The following NCKAP5 variants were observed in gnomAD, a reference collection of about 807,000 sequenced individuals.
NCKAP5 encodes NCK associated protein 5.
Under a neutral mutation model 167.0 loss-of-function variants are expected in NCKAP5, and 92 were observed. The ratio of observed to expected loss-of-function variants is 0.55; its 90% CI spans 0.47 to 0.66. The LOEUF (loss-of-function observed/expected upper bound fraction) is 0.66, where lower values mean the gene tolerates loss of function less well. Ranked by LOEUF, NCKAP5 falls within the 30% of genes least tolerant of loss-of-function variation. The pLI, the probability that NCKAP5 is intolerant of heterozygous loss-of-function variation, is 0.00. For missense variants in NCKAP5, 2,378 were observed against 2,315.0 expected, an observed-to-expected ratio of 1.03 and a Z score of -0.56; for synonymous variants, 891 against 877.4, an observed-to-expected ratio of 1.02 and a Z score of -0.27.
At chr2:132,833,022 T>C (rs1687628901) in intron 11 of NCKAP5, among the ~76,000 whole-genome samples, 1 of 152,182 alleles carries the variant, frequency 6.6e-6, no homozygotes, top group African/African-American at 2.4e-5. Flanking sequence ...CCTTTTTCTC[T>C]GCATCCTTCA....
At position 132,912,557 on chromosome 2, in the gene NCKAP5, A is replaced by G. The variant is rs560985749; in HGVS notation, c.580-33641T>C. 3.9e-5 allele frequency among the ~76,000 whole-genome samples: 6 copies of G among 152,228 alleles called. No individual in the cohort carries two copies. In the South Asian group the frequency reaches 1.0e-3, roughly 26 times the overall value. On this transcript the variant is annotated intron_variant, in intron 8 of 19. Coordinates refer to ENST00000409261, the MANE Select transcript of NCKAP5 (RefSeq NM_207363.3). Reference sequence around the variant, plus strand: ...ATATCTACAAACTGCCCTGCTTCCTATGGTTCCTTTGATGCTGATTTGCTT... The same window carrying G: ...ATATCTACAAACTGCCCTGCTTCCTGTGGTTCCTTTGATGCTGATTTGCTT...
At chr2:133,552,428 A>C (rs1032866675) in intron 2 of NCKAP5, among the ~76,000 whole-genome samples, 1 of 146,280 alleles carries the variant, frequency 6.8e-6, no homozygotes, top group Non-Finnish European at 1.5e-5. Flanking sequence ...AAAAATGATG[A>C]GTTCGTGTCC....
intron 12 of NCKAP5, among the ~76,000 whole-genome samples, chr2:132,792,530 C>T (rs1558785191): frequency 6.6e-6 from 1 of 152,168 alleles, no homozygotes; most frequent in African/African-American, 2.4e-5. Context: ...TCTGTTTTCT[C>T]CTGTCTGTCC....
At chr2:132,735,176 GA>G (rs1691394017) in intron 16 of NCKAP5, among the ~76,000 whole-genome samples, 1 of 152,072 alleles carries the variant, frequency 6.6e-6, no homozygotes, top group East Asian at 1.9e-4. Context: ...TTCTCGCCAG[GA>G]TTTTTTTTAG....
intron 16 of NCKAP5, among the ~76,000 whole-genome samples, chr2:132,768,197 G>C (rs1681687884): frequency 6.6e-6 from 1 of 152,162 alleles, no homozygotes; most frequent in Non-Finnish European, 1.5e-5. Flanking sequence ...ATCCTAATAG[G>C]ATTCAATTTT....
intron 2 of NCKAP5, among the ~76,000 whole-genome samples, chr2:133,548,581 C>G (rs1686970720): frequency 6.6e-6 from 1 of 151,932 alleles, no homozygotes; most frequent in Non-Finnish European, 1.5e-5. Flanking sequence ...ATTCAACATT[C>G]TTAAAGACAA....
chr2:133,260,045 A>T (rs2088826331), intron 4 of NCKAP5, among the ~76,000 whole-genome samples: 1 of 152,242 alleles, frequency 6.6e-6, no homozygotes, highest in Admixed American at 6.5e-5. Context: ...ATATTAATGC[A>T]ATGAGGATGA....
chr2:133,198,202 C>A (rs2085522787), intron 5 of NCKAP5, among the ~76,000 whole-genome samples: 1 of 152,024 alleles, frequency 6.6e-6, no homozygotes, highest in South Asian at 2.1e-4. Context: ...TTTATATCAA[C>A]AGCCTCAGAA....
intron 16 of NCKAP5, among the ~76,000 whole-genome samples, chr2:132,735,375 A>T (rs1691411987): frequency 6.6e-6 from 1 of 152,122 alleles, no homozygotes; most frequent in Admixed American, 6.6e-5. Context: ...GTTGTTTAAA[A>T]GTGTGTGGCA....
At chr2:133,588,911 G>A in the NCKAP5 span, among the ~76,000 whole-genome samples, 3 of 152,174 alleles carry the variant, frequency 2.0e-5, no homozygotes, top group East Asian at 5.8e-4. Context: ...TGTTGGGGAA[G>A]ATACCAAGAA....
intron 3 of NCKAP5, among the ~76,000 whole-genome samples, chr2:133,502,248 C>T (rs915398495): frequency 1.2e-4 from 19 of 152,172 alleles, no homozygotes; most frequent in South Asian, 1.0e-3. Flanking sequence ...GGAAGAAATG[C>T]CATGCTTGGC....
chr2:133,514,060 T>A (rs1683756019), intron 3 of NCKAP5, among the ~76,000 whole-genome samples: 1 of 152,074 alleles, frequency 6.6e-6, no homozygotes, highest in Non-Finnish European at 1.5e-5. Context: ...CAGTTTTGGG[T>A]CAAGAAGAGG....
intron 12 of NCKAP5, 74 bp downstream of exon 12, chr2:132,796,554 G>A (rs368720985): frequency 9.3e-5 from 94 of 1,006,314 alleles, no homozygotes; most frequent in South Asian, 8.5e-4. Context: ...TTTATGGTTC[G>A]CTTGTGACAT....
intron 3 of NCKAP5, among the ~76,000 whole-genome samples, chr2:133,495,831 T>G (rs186822688): frequency 1.0e-3 from 159 of 152,328 alleles, no homozygotes; most frequent in African/African-American, 3.7e-3. Context: ...AATATTTCCT[T>G]GCTGGTTACT....
chr2:133,374,485 G>A (rs1190333447), intron 3 of NCKAP5, among the ~76,000 whole-genome samples: 3 of 152,114 alleles, frequency 2.0e-5, no homozygotes, highest in African/African-American at 4.8e-5. Context: ...GACCTTGGGC[G>A]ACCATGATGT....
intron 3 of NCKAP5, among the ~76,000 whole-genome samples, chr2:133,469,042 A>T (rs1254422072): frequency 6.6e-6 from 1 of 150,606 alleles, no homozygotes; most frequent in Non-Finnish European, 1.5e-5. Context: ...TGTGAATTTG[A>T]TCCTGTCATT....
At chr2:133,129,622 G>T (rs980544286) in intron 6 of NCKAP5, among the ~76,000 whole-genome samples, 5 of 152,084 alleles carry the variant, frequency 3.3e-5, no homozygotes, top group African/African-American at 1.2e-4. Flanking sequence ...GTAATGGGAT[G>T]GCTGGGTCAA....
At chr2:133,467,415 T>G (rs1191664921) in intron 3 of NCKAP5, among the ~76,000 whole-genome samples, 1 of 152,246 alleles carries the variant, frequency 6.6e-6, no homozygotes, top group East Asian at 1.9e-4. Flanking sequence ...ATTTTGCCAG[T>G]ATTTTATTGA....
chr2:132,832,721 AG>A (rs1687609213), intron 11 of NCKAP5, among the ~76,000 whole-genome samples: 1 of 152,200 alleles, frequency 6.6e-6, no homozygotes, highest in Non-Finnish European at 1.5e-5. Flanking sequence ...ATGTCTGAAC[AG>A]TGTTACATTA....
Sources: allele counts gnomAD v4.1 joint callset (sites outside exome capture counted in the v4.1 genomes callset), GRCh38; gene constraint gnomAD v4.1.1; transcripts MANE v1.5; gene names NCBI Gene and HGNC (gene_info 2026-07-23, HGNC 2026-07-21).